ROBO2: variants seen among roughly 807,000 people sequenced by gnomAD.
ROBO2 encodes roundabout homolog 2.
In ROBO2, 53 loss-of-function variants were observed where a neutral mutation model predicts 160.8. That is an observed-to-expected ratio of 0.33 (90% confidence interval 0.26 to 0.41). The LOEUF (loss-of-function observed/expected upper bound fraction) is 0.41. Ranked by LOEUF, ROBO2 falls within the 10% of genes least tolerant of loss-of-function variation. The probability of loss-of-function intolerance (pLI) is 1.00; values close to 1 mark genes in which losing one functional copy is unlikely to be tolerated. For missense variants in ROBO2, 1,577 were observed against 1,722.4 expected (o/e 0.92, Z 1.49); for synonymous variants, 664 against 611.7 (o/e 1.09, Z -1.26).
chr3:77,020,746 C>T (rs2062581410), intron 2 of ROBO2, among the ~76,000 whole-genome samples: 1 of 152,054 alleles, frequency 6.6e-6, no homozygotes, highest in Non-Finnish European at 1.5e-5. Context: ...AACTATAAAG[C>T]GCTATGCAGA....
At chr3:76,948,882 A>T (rs867575581) in intron 2 of ROBO2, among the ~76,000 whole-genome samples, 21 of 38,638 alleles carry the variant, frequency 5.4e-4, no homozygotes, top group African/African-American at 2.7e-3. Flanking sequence ...TTTTATATAT[A>T]TATATATATA....
At chr3:77,053,660 A>T (rs565724481) in intron 1 of ROBO2, among the ~76,000 whole-genome samples, 1 of 152,318 alleles carries the variant, frequency 6.6e-6, no homozygotes, top group African/African-American at 2.4e-5. Flanking sequence ...TTGGAATACC[A>T]TCAGAACCTC....
chr3:76,336,233 A>G (rs945922081), intron 2 of ROBO2, among the ~76,000 whole-genome samples: 1 of 151,944 alleles, frequency 6.6e-6, no homozygotes, highest in Non-Finnish European at 1.5e-5. Context: ...AGCAAGAAGA[A>G]AAAAAGGAAA....
intron 17 of ROBO2, among the ~76,000 whole-genome samples, chr3:77,593,292 T>A: frequency 6.6e-6 from 1 of 152,118 alleles, no homozygotes; most frequent in East Asian, 1.9e-4. Flanking sequence ...ATTGCATGTG[T>A]ACTAATCAGG....
intron 20 of ROBO2, among the ~76,000 whole-genome samples, chr3:77,604,635 C>T (rs1456524487): frequency 1.3e-5 from 2 of 152,022 alleles, no homozygotes; most frequent in Non-Finnish European, 2.9e-5. Context: ...TGATAGAAAG[C>T]ATTCTTTAGT....
intron 2 of ROBO2, among the ~76,000 whole-genome samples, chr3:77,305,689 G>C (rs2063040716): frequency 6.6e-6 from 1 of 152,146 alleles, no homozygotes; most frequent in African/African-American, 2.4e-5. Context: ...CACCGATTTT[G>C]TCATTTGCCA....
chr3:76,734,405 G>C (rs535437196), intron 2 of ROBO2, among the ~76,000 whole-genome samples: 1 of 152,248 alleles, frequency 6.6e-6, no homozygotes, highest in East Asian at 1.9e-4. Flanking sequence ...TGTGTAGTCT[G>C]CATATTATTA....
intron 2 of ROBO2, among the ~76,000 whole-genome samples, chr3:77,099,617 A>G (rs1242386004): frequency 2.0e-5 from 3 of 152,248 alleles, no homozygotes; most frequent in Non-Finnish European, 4.4e-5. Flanking sequence ...ACACACAAAA[A>G]TTCAAGAATG....
At chr3:77,638,027 T>G (rs1256711245) in intron 24 of ROBO2, among the ~76,000 whole-genome samples, 1 of 152,218 alleles carries the variant, frequency 6.6e-6, no homozygotes, top group African/African-American at 2.4e-5. Flanking sequence ...AAAGGAAATT[T>G]CAGCCCACAT....
At chr3:76,225,331 G>A (rs1394467975) in intron 2 of ROBO2, among the ~76,000 whole-genome samples, 1 of 152,172 alleles carries the variant, frequency 6.6e-6, no homozygotes, top group East Asian at 1.9e-4. Flanking sequence ...CAAAATATGT[G>A]TGTATTAATT....
intron 2 of ROBO2, among the ~76,000 whole-genome samples, chr3:76,835,928 T>C (rs1576947568): frequency 6.6e-6 from 1 of 152,030 alleles, no homozygotes; most frequent in South Asian, 2.1e-4. Flanking sequence ...CAATTTGGAT[T>C]CTTGAATTTG....
intron 2 of ROBO2, among the ~76,000 whole-genome samples, chr3:76,703,102 C>T (rs570873035): frequency 6.6e-6 from 1 of 152,210 alleles, no homozygotes; most frequent in Non-Finnish European, 1.5e-5. Context: ...AAAATTCCTT[C>T]AGTATATATC....
chr3:75,974,886 A>G (rs868254154), intron 2 of ROBO2, among the ~76,000 whole-genome samples: 1 of 151,516 alleles, frequency 6.6e-6, no homozygotes, highest in South Asian at 2.1e-4. Flanking sequence ...CCCATGTAGA[A>G]CATACAGAGA....
chr3:76,667,512 A>C (rs2092095783), intron 2 of ROBO2, among the ~76,000 whole-genome samples: 2 of 152,204 alleles, frequency 1.3e-5, no homozygotes, highest in African/African-American at 4.8e-5. Context: ...AAAGACCAGT[A>C]TGTTATTTAA....
chr3:76,706,544 C>T (rs1030485308), intron 2 of ROBO2, among the ~76,000 whole-genome samples: 11 of 151,922 alleles, frequency 7.2e-5, no homozygotes, highest in Non-Finnish European at 1.6e-4. Context: ...TGATTGAGTC[C>T]TGTTTTCTGA....
intron 2 of ROBO2, among the ~76,000 whole-genome samples, chr3:76,572,154 A>ACT (rs1162501721): frequency 2.6e-5 from 4 of 152,162 alleles, no homozygotes; most frequent in African/African-American, 9.7e-5. Flanking sequence ...AATTTATTGA[A>ACT]TCCTTTTAGC....
chr3:76,218,446 A>T (rs1408832430), intron 2 of ROBO2, among the ~76,000 whole-genome samples: 1 of 152,224 alleles, frequency 6.6e-6, no homozygotes, highest in South Asian at 2.1e-4. Flanking sequence ...CCTTAAGCTG[A>T]TAAGCAACTT....
At chr3:76,794,668 A>G (rs3911512) in intron 2 of ROBO2, among the ~76,000 whole-genome samples, 48,297 of 151,856 alleles carry the variant, frequency 0.32, 9,451 homozygotes, top group Non-Finnish European at 0.43. Context: ...TATTAAATAC[A>G]GGTAGCAATA....
intron 2 of ROBO2, among the ~76,000 whole-genome samples, chr3:75,979,002 C>G (rs2065206249): frequency 6.6e-6 from 1 of 151,474 alleles, no homozygotes; most frequent in Non-Finnish European, 1.5e-5. Flanking sequence ...GGTGAATACT[C>G]TCAGCTGAGG....
Sources: gnomAD v4.1 joint callset for allele counts (sites outside exome capture counted in the v4.1 genomes callset) on GRCh38, gnomAD v4.1.1 for gene constraint, MANE v1.5 for transcripts, NCBI Gene and HGNC (gene_info 2026-07-23, HGNC 2026-07-21) for gene names.